MS4A8: variants seen among roughly 807,000 people sequenced by gnomAD.
The protein encoded by MS4A8 is membrane spanning 4-domains A8, also known as membrane-spanning 4-domains subfamily A member 8.
A neutral mutation model predicts 23.7 loss-of-function variants in MS4A8; 27 were observed. That is an observed-to-expected ratio of 1.14 (90% CI 0.84 to 1.57). MS4A8 has a LOEUF of 1.57. Among genes scored for constraint, MS4A8 ranks in the 40% most tolerant of loss-of-function variants. MS4A8 has a pLI of 0.00. For synonymous variants in MS4A8, 138 were observed against 126.3 expected (o/e 1.09, Z -0.62); for missense variants, 301 against 311.4 (o/e 0.97, Z 0.25).
chr11:60,714,574 A>T (rs1264166975), intron 5 of MS4A8, among the ~76,000 whole-genome samples: 1 of 152,082 alleles, frequency 6.6e-6, no homozygotes, highest in African/African-American at 2.4e-5. Flanking sequence ...CATTTTTCAC[A>T]GGAGGCCTTT....
Position 60,708,764 on chromosome 11 carries a change from C to G in MS4A8, c.517C>G (p.Pro173Ala), listed in dbSNP as rs139677781. ...CCCATATGCCTACCCCGACTATTAT[C>G]CTTACGCCTGGGGTGTGGTGAGTAT... is the stretch of plus-strand genomic sequence containing the variant. Reference protein sequence around the residue: ...PHPYAYPDYYPYAWGVNPGMA... With the variant: ...PHPYAYPDYYAYAWGVNPGMA... The change falls in exon 5 of 7, where the codon CCT becomes GCT. Residue 173 changes from proline to alanine, a missense_variant. By Grantham distance (27) the Pro-to-Ala change is conservative. Transcript: ENST00000300226. 3 of 1,613,898 alleles carry G rather than the reference C, an allele frequency of 1.9e-6. No homozygotes were observed. The African/African-American group carries it at 4.0e-5, about 22-fold the overall frequency.
In MS4A8 at chr11:60,704,812, CCACACA is replaced by C. The variant is rs759471971; in HGVS notation, c.342+1331_342+1336del. On this transcript the variant is annotated intron_variant, in intron 3 of 6. Transcript: ENST00000300226. ...TGGTTCCTTTGCAGTGTCCCCCTGC[CCACACA>C]CACACACACACACACACATACACAC... Among the ~76,000 whole-genome samples the C allele has an allele frequency of 9.3e-5, 13 of 139,124 alleles. No individual in the cohort carries two copies. In the South Asian group the frequency reaches 1.1e-3, roughly 12 times the overall value. 91.3% of individuals were successfully genotyped at this position (139,124 alleles called of 152,430 possible). A position where few individuals can be genotyped will look rare whatever the true frequency, so the allele number is the denominator to read the frequency against.
In MS4A8 at chr11:60,705,029, A is replaced by G. The variant is rs572679384; in HGVS notation, c.342+1529A>G. On this transcript the variant is annotated intron_variant, in intron 3 of 6. Transcript: ENST00000300226. ...CTTTCCTCATAAATGGCACAACTCCAGAGTAACCTAGGTGCCAGCCCAAGT... is the reference window on the plus strand; with the variant it reads ...CTTTCCTCATAAATGGCACAACTCCGGAGTAACCTAGGTGCCAGCCCAAGT... 8.5e-5 allele frequency among the ~76,000 whole-genome samples: 13 copies of G among 152,270 alleles called. No homozygotes were observed. In the South Asian group the frequency reaches 2.5e-3, roughly 29 times the overall value.
At chr11:60,700,638 T>C (rs2088194621) in intron 1 of MS4A8, among the ~76,000 whole-genome samples, 1 of 152,196 alleles carries the variant, frequency 6.6e-6, no homozygotes, top group Admixed American at 6.5e-5. Flanking sequence ...CTTTGAGTCT[T>C]AGTTTTCTCA....
intron 6 of MS4A8, 65 bp from the exon 7 acceptor site, chr11:60,715,245 G>A (rs1042479742): frequency 6.6e-7 from 1 of 1,514,604 alleles, no homozygotes; most frequent in African/African-American, 1.4e-5. Flanking sequence ...GTTCCTCGGT[G>A]TCCGAGGCCT....
chr11:60,715,476 C>A lies in MS4A8; in HGVS notation c.*62C>A. The A allele has an allele frequency of 7.5e-7, 1 of 1,328,748 alleles. No individual in the cohort carries two copies. Among genetic ancestry groups the A allele is most frequent in the Non-Finnish European group, 1.1e-6 (1 of 935,998 alleles). The allele number at this position is 1,328,748 out of a possible 1,614,324, so 82.3% of individuals were successfully genotyped here. On this transcript the variant is annotated 3_prime_UTR_variant, in exon 7 of 7. Transcript: ENST00000300226. ...AAAGAAGTCCTCCTCCCTTTCTGGG[C>A]TTCCATAACCCAGGTCGTTCCTGTT... is the stretch of plus-strand genomic sequence containing the variant.
chr11:60,711,906 C>T, intron 5 of MS4A8: 1 of 455,502 alleles, frequency 2.2e-6, no homozygotes, highest in South Asian at 1.6e-5. Flanking sequence ...CTCAGTCATC[C>T]CATCTGAACA....
intron 5 of MS4A8, among the ~76,000 whole-genome samples, chr11:60,709,733 C>T (rs2088285355): frequency 6.6e-6 from 1 of 152,168 alleles, no homozygotes; most frequent in African/African-American, 2.4e-5. Context: ...TTCTCCTCCC[C>T]TCTCCCTCAT....
At chr11:60,703,232 C>G in intron 2 of MS4A8, 146 bp from the exon 3 acceptor site, 1 of 934,328 alleles carries the variant, frequency 1.1e-6, no homozygotes, top group Non-Finnish European at 1.5e-6. Flanking sequence ...GGGGAGATTA[C>G]AGGTAGTTTT....
chr11:60,715,249 G>T (rs924958354), intron 6 of MS4A8, 61 bp from the exon 7 acceptor site: 1 of 1,533,166 alleles, frequency 6.5e-7, no homozygotes, highest in African/African-American at 1.4e-5. Context: ...CTCGGTGTCC[G>T]AGGCCTTTGG....
chr11:60,712,499 T>C (rs1345683388), intron 5 of MS4A8: 16 of 984,998 alleles, frequency 1.6e-5, no homozygotes, highest in African/African-American at 1.7e-5. Context: ...AAAATCATAA[T>C]TGAGATAATT....
intron 5 of MS4A8, among the ~76,000 whole-genome samples, chr11:60,710,684 A>T (rs2088293332): frequency 6.6e-6 from 1 of 152,106 alleles, no homozygotes; most frequent in Non-Finnish European, 1.5e-5. Flanking sequence ...GAAACACAAG[A>T]TCCCATCACT....
chr11:60,703,843 C>T (rs1318974980), intron 3 of MS4A8, among the ~76,000 whole-genome samples: 2 of 152,212 alleles, frequency 1.3e-5, no homozygotes, highest in East Asian at 1.9e-4. Flanking sequence ...AGCCTTTCCA[C>T]GGCCTTCCTC....
Position 60,714,220 on chromosome 11 carries a change from G to A in MS4A8, c.535-801G>A, listed in dbSNP as rs1349640659. On this transcript the variant is annotated intron_variant, in intron 5 of 6. Coordinates refer to ENST00000300226, the MANE Select transcript of MS4A8 (RefSeq NM_031457.2). ...ATTACAGGCGTGAGCCACCGCGCCC[G>A]GCCGGTGATGACTCTTAACAAGCGT... Among the ~76,000 whole-genome samples, 11 of 150,510 alleles carry A rather than the reference G, an allele frequency of 7.3e-5. 1 individual carries two copies. Among genetic ancestry groups the A allele is most frequent in the Admixed American group, 2.0e-4 (3 of 15,252 alleles).
chr11:60,702,280 T>C (rs546065155), intron 2 of MS4A8, among the ~76,000 whole-genome samples: 4 of 152,248 alleles, frequency 2.6e-5, no homozygotes, highest in Non-Finnish European at 5.9e-5. Flanking sequence ...TATTTAATAG[T>C]GTTCTTGAAT....
intron 5 of MS4A8, among the ~76,000 whole-genome samples, chr11:60,713,940 C>T (rs1397778177): frequency 4.9e-5 from 5 of 101,420 alleles, no homozygotes; most frequent in South Asian, 6.9e-4. Context: ...TTTTTTGAGA[C>T]GGAGTCTCGC....
In MS4A8 at chr11:60,701,052, A is replaced by G; in HGVS notation, c.192A>G (p.Lys64=). The part of the protein sequence containing the change: ...VSNVNGQPVQ[K]ALKEGKTLGA... Reference sequence around the variant, plus strand: ...ATGTGAATGGGCAGCCTGTGCAGAAAGCTCTGAAAGAAGGCAAAACCTTGG... The same window carrying G: ...ATGTGAATGGGCAGCCTGTGCAGAAGGCTCTGAAAGAAGGCAAAACCTTGG... Residue 64 remains lysine, a synonymous_variant, in exon 2 of 7, where the codon AAA becomes AAG. Transcript: ENST00000300226. The G allele has an allele frequency of 6.2e-7, 1 of 1,614,190 alleles. No individual in the cohort carries two copies. Among genetic ancestry groups the G allele is most frequent in the South Asian group, 1.1e-5 (1 of 91,074 alleles).
chr11:60,715,146 G>C lies in MS4A8; in HGVS notation c.648+12G>C. On this transcript the variant is annotated intron_variant, in intron 6 of 6. Transcript: ENST00000300226. ...GTCAATCAAGCAATGTGAGTCCCAG[G>C]GTTCCTCAGTGGGTGGAAAGATGCC... The C allele has an allele frequency of 1.2e-6, 2 of 1,601,538 alleles. No individual in the cohort carries two copies.
chr11:60,708,510 T>A (rs1192272428), intron 4 of MS4A8, 140 bp from the exon 5 acceptor site: 2 of 781,670 alleles, frequency 2.6e-6, no homozygotes, highest in South Asian at 2.8e-5. Context: ...TTGAAAATGA[T>A]TAGGATGTTA....
Sources: allele counts gnomAD v4.1 joint callset (sites outside exome capture counted in the v4.1 genomes callset), GRCh38; gene constraint gnomAD v4.1.1; transcripts MANE v1.5; gene names NCBI Gene and HGNC (gene_info 2026-07-23, HGNC 2026-07-21).